The following ANO10 variants were observed in gnomAD, a reference collection of about 807,000 sequenced individuals.
The protein encoded by ANO10 is anoctamin 10.
Under a neutral mutation model 74.7 loss-of-function variants are expected in ANO10, and 77 were observed. The ratio of observed to expected loss-of-function variants is 1.03; its 90% CI spans 0.86 to 1.25. The LOEUF (loss-of-function observed/expected upper bound fraction) is 1.25. ANO10 is among the 50% of genes most tolerant of loss of function. The probability of loss-of-function intolerance (pLI) is 0.00; values close to 1 mark genes in which losing one functional copy is unlikely to be tolerated. For synonymous variants in ANO10, 279 were observed against 284.9 expected (o/e 0.98, Z 0.21); for missense variants, 721 against 778.1 (o/e 0.93, Z 0.87).
intron 1 of ANO10, among the ~76,000 whole-genome samples, chr3:43,665,620 C>G (rs920632419): frequency 2.0e-5 from 3 of 152,102 alleles, no homozygotes; most frequent in Non-Finnish European, 4.4e-5. Context: ...TGTTCTCTTG[C>G]CTTCCTTTTC....
chr3:43,637,106 G>A (rs1261725602), intron 1 of ANO10, among the ~76,000 whole-genome samples: 3 of 152,244 alleles, frequency 2.0e-5, no homozygotes, highest in Non-Finnish European at 4.4e-5. Context: ...GGAGGTGGAA[G>A]CTGAAGTGAG....
At chr3:43,647,323 G>T (rs937550967) in intron 1 of ANO10, among the ~76,000 whole-genome samples, 14 of 152,146 alleles carry the variant, frequency 9.2e-5, no homozygotes, top group Non-Finnish European at 1.9e-4. Context: ...AGTGGTGTGT[G>T]TTGGGGAGTT....
At chr3:43,624,247 T>C (rs559958900), upstream of ANO10, among the ~76,000 whole-genome samples, 32 of 152,260 alleles carry the variant, frequency 2.1e-4, no homozygotes, top group Non-Finnish European at 4.3e-4. Context: ...ACCCTGTATA[T>C]ATTATGTTTT....
chr3:43,520,861 G>C (rs1427529867), intron 11 of ANO10, among the ~76,000 whole-genome samples: 1 of 152,088 alleles, frequency 6.6e-6, no homozygotes, highest in Non-Finnish European at 1.5e-5. Context: ...AGATCAATTG[G>C]AGAAGTACTA....
chr3:43,567,120 G>A (rs201635160), intron 7 of ANO10, among the ~76,000 whole-genome samples: 1 of 152,008 alleles, frequency 6.6e-6, no homozygotes, highest in East Asian at 1.9e-4. Flanking sequence ...AAGTGAGAAG[G>A]GAAGTTTAGA....
intron 12 of ANO10, among the ~76,000 whole-genome samples, chr3:43,375,032 A>G (rs567669443): frequency 3.3e-5 from 5 of 152,142 alleles, no homozygotes; most frequent in Admixed American, 3.3e-4. Flanking sequence ...GAGGCAGGAG[A>G]ACCACATGAA....
intron 1 of ANO10, among the ~76,000 whole-genome samples, chr3:43,668,796 AT>A (rs2149576369): frequency 1.3e-5 from 2 of 152,140 alleles, no homozygotes; most frequent in African/African-American, 4.8e-5. Context: ...ATCATTATTG[AT>A]ATACCTAGAT....
chr3:43,691,069 G>A (rs372983058), intron 1 of ANO10: 5 of 1,526,122 alleles, frequency 3.3e-6, no homozygotes, highest in Non-Finnish European at 3.5e-6. Context: ...GGCTTCGTGT[G>A]TCTCCGGCGC....
At chr3:43,676,071 G>A (rs1575589412) in intron 1 of ANO10, among the ~76,000 whole-genome samples, 1 of 152,164 alleles carries the variant, frequency 6.6e-6, no homozygotes, top group Non-Finnish European at 1.5e-5. Flanking sequence ...ATTAAACCGT[G>A]TAATACTACT....
intron 7 of ANO10, among the ~76,000 whole-genome samples, chr3:43,566,383 G>C (rs1037398694): frequency 1.2e-4 from 19 of 152,356 alleles, no homozygotes; most frequent in African/African-American, 4.1e-4. Context: ...TCTGGGGGCA[G>C]GGCACAGACA....
chr3:43,633,773 G>A (rs961607901), intron 1 of ANO10, among the ~76,000 whole-genome samples: 7 of 151,988 alleles, frequency 4.6e-5, no homozygotes, highest in East Asian at 1.9e-4. Context: ...ATTATTACTC[G>A]TTGTGTAGCA....
chr3:43,424,063 C>A (rs1345184103), intron 12 of ANO10, among the ~76,000 whole-genome samples: 1 of 152,212 alleles, frequency 6.6e-6, no homozygotes, highest in African/African-American at 2.4e-5. Flanking sequence ...TCCCCCAACA[C>A]ACTGCTCCAT....
chr3:43,590,528 G>A (rs895386530), intron 4 of ANO10, among the ~76,000 whole-genome samples: 4 of 151,758 alleles, frequency 2.6e-5, no homozygotes, highest in African/African-American at 9.7e-5. Context: ...CACCTAAGAA[G>A]AATTCTTGCC....
chr3:43,588,562 A>G (rs2081581458), intron 4 of ANO10, among the ~76,000 whole-genome samples: 1 of 66,370 alleles, frequency 1.5e-5, no homozygotes, highest in African/African-American at 6.4e-5. Context: ...AAATTTACTT[A>G]GTAAAAAAAA....
intron 1 of ANO10, chr3:43,638,697 G>T (rs562313564): frequency 6.6e-6 from 1 of 152,264 alleles, no homozygotes; most frequent in African/African-American, 2.4e-5. Flanking sequence ...GAGACAAGTC[G>T]TTGCCACAGG....
chr3:43,429,010 G>A (rs979604122), intron 12 of ANO10, among the ~76,000 whole-genome samples: 4 of 152,060 alleles, frequency 2.6e-5, no homozygotes, highest in African/African-American at 9.7e-5. Flanking sequence ...CAAAGAAGAT[G>A]AGCATAAATA....
chr3:43,377,671 G>A (rs1220204523), intron 12 of ANO10, among the ~76,000 whole-genome samples: 1 of 152,138 alleles, frequency 6.6e-6, no homozygotes, highest in Non-Finnish European at 1.5e-5. Context: ...AGAGAGCCAG[G>A]GCTCAGGTTC....
At chr3:43,592,570 G>T (rs1409154011) in intron 4 of ANO10, among the ~76,000 whole-genome samples, 1 of 152,202 alleles carries the variant, frequency 6.6e-6, no homozygotes, top group African/African-American at 2.4e-5. Flanking sequence ...CAAACAGAAA[G>T]ACATTCACAC....
intron 1 of ANO10, among the ~76,000 whole-genome samples, chr3:43,637,372 G>A (rs933560001): frequency 1.3e-5 from 2 of 151,710 alleles, no homozygotes; most frequent in African/African-American, 4.8e-5. Context: ...GGAGATTGAG[G>A]CAAGAGGATC....
Sources: allele counts gnomAD v4.1 joint callset (sites outside exome capture counted in the v4.1 genomes callset), GRCh38; gene constraint gnomAD v4.1.1; transcripts MANE v1.5; gene names NCBI Gene and HGNC (gene_info 2026-07-23, HGNC 2026-07-21).